The following ARID3A variants were observed in gnomAD, a reference collection of about 807,000 sequenced individuals.
ARID3A encodes the protein AT-rich interaction domain 3A.
A neutral mutation model predicts 52.7 loss-of-function variants in ARID3A; 11 were observed. That is an observed-to-expected ratio of 0.21 (90% CI 0.13 to 0.35). The LOEUF (loss-of-function observed/expected upper bound fraction) is 0.35, where lower values mean the gene tolerates loss of function less well. Among genes scored for constraint, ARID3A ranks in the 10% least tolerant of loss-of-function variants. The pLI is 1.00. For missense variants in ARID3A, 721 were observed against 838.5 expected (o/e 0.86, Z 1.73); for synonymous variants, 404 against 359.4 (o/e 1.12, Z -1.40).
intron 3 of ARID3A, among the ~76,000 whole-genome samples, chr19:943,445 G>C (rs1407758148): frequency 6.6e-6 from 1 of 151,954 alleles, no homozygotes; most frequent in Non-Finnish European, 1.5e-5. Flanking sequence ...GCGGGTGCCT[G>C]TAATCCCAGC....
intron 3 of ARID3A, among the ~76,000 whole-genome samples, chr19:955,879 CT>C (rs1397294042): frequency 2.0e-5 from 3 of 152,194 alleles, no homozygotes; most frequent in African/African-American, 7.2e-5. Flanking sequence ...CAAACGAAAC[CT>C]GTTCTCCCTC....
intron 8 of ARID3A, 200 bp downstream of exon 8, chr19:968,703 AG>A (rs1302656535): frequency 1.9e-6 from 1 of 539,992 alleles, no homozygotes; most frequent in Non-Finnish European, 3.3e-6. Context: ...CTCAGCCCAG[AG>A]GGGGTCGTCC....
intron 3 of ARID3A, among the ~76,000 whole-genome samples, chr19:937,756 G>C (rs2037466740): frequency 6.9e-6 from 1 of 145,084 alleles, no homozygotes; most frequent in African/African-American, 2.6e-5. Flanking sequence ...ACCCAGGCTG[G>C]AGTGCAATGG....
chr19:946,351 T>C (rs1256527861), intron 3 of ARID3A, among the ~76,000 whole-genome samples: 3 of 151,572 alleles, frequency 2.0e-5, no homozygotes, highest in African/African-American at 4.9e-5. Context: ...AAGCTCCGCC[T>C]CCCGGGTTCA....
intron 3 of ARID3A, among the ~76,000 whole-genome samples, chr19:954,346 C>A (rs886173258): frequency 1.2e-4 from 19 of 152,208 alleles, no homozygotes; most frequent in African/African-American, 4.3e-4. Flanking sequence ...ATTAGGGGTC[C>A]ACACCTTCCA....
intron 4 of ARID3A, among the ~76,000 whole-genome samples, chr19:962,717 A>G (rs2038069740): frequency 6.6e-6 from 1 of 151,670 alleles, no homozygotes; most frequent in Admixed American, 6.6e-5. Flanking sequence ...GTTTCTCCCT[A>G]TTGGCCAGGC....
In ARID3A at chr19:971,940, G is replaced by A. The variant is rs748380647; in HGVS notation, c.1657G>A (p.Gly553Ser). 46 of 1,599,862 alleles carry A rather than the reference G, an allele frequency of 2.9e-5. No individual in the cohort carries two copies. The highest frequency in any genetic ancestry group is 1.6e-4 in the South Asian group (14 of 90,234). ...CTCTGCTCCCAACAAAGGAGGCGGC[G>A]GCGGCGGCGGCAGCAGCAGCAACGC... ...PTSAPNKGGG[G>S]GGGSSSNAGG... The change falls in exon 9 of 9, where the codon GGC (glycine) becomes AGC (serine). Residue 553 changes from glycine (G) to serine (S), a missense_variant. Around this residue, in one of 5 missense-constraint regions of ARID3A, gnomAD observed 297 missense variants for 343.2 expected, o/e 0.87. Coordinates refer to ENST00000263620, the MANE Select transcript of ARID3A (RefSeq NM_005224.3).
intron 3 of ARID3A, among the ~76,000 whole-genome samples, chr19:948,063 G>A (rs550929112): frequency 7.9e-5 from 12 of 152,242 alleles, no homozygotes; most frequent in South Asian, 4.1e-4. Context: ...CTAAGTAAGC[G>A]CCTGCTGGGT....
At chr19:962,982 C>T (rs1469494161) in intron 4 of ARID3A, among the ~76,000 whole-genome samples, 1 of 152,184 alleles carries the variant, frequency 6.6e-6, no homozygotes, top group Non-Finnish European at 1.5e-5. Flanking sequence ...GGGTCTGAGG[C>T]CCGTCTTCCT....
intron 3 of ARID3A, among the ~76,000 whole-genome samples, chr19:946,250 T>TTTTA (rs1434662801): frequency 6.6e-6 from 1 of 151,886 alleles, no homozygotes; most frequent in South Asian, 2.1e-4. Context: ...ACTTTTTCCT[T>TTTTA]TTTATTTATT....
Position 964,554 on chromosome 19 carries a change from A to G in ARID3A, c.950+123A>G. 7.5e-7 allele frequency: 1 copy of G among 1,337,508 alleles called. No individual in the cohort carries two copies. Among genetic ancestry groups the G allele is most frequent in the South Asian group, 1.4e-5 (1 of 69,724 alleles). 82.9% of individuals were successfully genotyped at this position (1,337,508 alleles called of 1,614,324 possible). A position where few individuals can be genotyped will look rare whatever the true frequency, so the allele number is the denominator to read the frequency against. On this transcript the variant is annotated intron_variant, in intron 5 of 8. Coordinates refer to ENST00000263620, the MANE Select transcript of ARID3A (RefSeq NM_005224.3). The surrounding 1 kb of genome is among the most constrained non-coding windows in gnomAD (Gnocchi z 5.7). Reference sequence around the variant, plus strand: ...GAGGAGGGGGCAGTGGGCAGCCGCAAAGGGCACAGGGCCACACCGTGCGTC... The same window carrying G: ...GAGGAGGGGGCAGTGGGCAGCCGCAGAGGGCACAGGGCCACACCGTGCGTC...
chr19:933,001 C>G (rs984949974), intron 3 of ARID3A, among the ~76,000 whole-genome samples: 1 of 152,076 alleles, frequency 6.6e-6, no homozygotes, highest in East Asian at 1.9e-4. Context: ...GCCCCCATAT[C>G]GGAGGTGATG....
chr19:932,288 C>A, intron 2 of ARID3A, 130 bp from the exon 3 acceptor site: 6 of 1,509,938 alleles, frequency 4.0e-6, no homozygotes, highest in South Asian at 1.3e-5. Context: ...TCTCTGCAGT[C>A]TGAGCTGGCG....
At chr19:940,941 C>T (rs2037536943) in intron 3 of ARID3A, among the ~76,000 whole-genome samples, 1 of 152,126 alleles carries the variant, frequency 6.6e-6, no homozygotes, top group African/African-American at 2.4e-5. Context: ...CCCGCCAGCC[C>T]CTGGCACTGT....
rs2038317534 is a variant in ARID3A, at chr19:973,134, G to GTTTTT, written c.*1073_*1074insTTTTT. ...TTTTTTTTTTTTTTTTTGAGACGGA[G>GTTTTT]TTTTGCTCTTGTCGCCCAGGCTGGA... On this transcript the variant is annotated 3_prime_UTR_variant, in exon 9 of 9. Transcript: ENST00000263620. 4.1e-4 allele frequency: 4 copies of GTTTTT among 9,864 alleles called. No homozygotes were observed. The highest frequency in any genetic ancestry group is 6.4e-4 in the Non-Finnish European group (2 of 3,104). The allele number at this position is 9,864 out of a possible 1,614,324, so 0.6% of individuals were successfully genotyped here. A position where few individuals can be genotyped will look rare whatever the true frequency, so the allele number is the denominator to read the frequency against.
chr19:929,439 C>A lies in ARID3A; in HGVS notation c.-90C>A. On this transcript the variant is annotated 5_prime_UTR_variant, in exon 2 of 9. Transcript: ENST00000263620. This position sits in a 1 kb window ranked among gnomAD's most constrained non-coding sequence, Gnocchi z 6.2. ...CCCCACGCTGCAGTGCGGCCGGGCC[C>A]CCTCCCCGCAGGGGCCGCCCCCGCC... is the stretch of plus-strand genomic sequence containing the variant. 8.0e-7 allele frequency: 1 copy of A among 1,250,608 alleles called. No homozygotes were observed. Among genetic ancestry groups the A allele is most frequent in the Non-Finnish European group, 1.0e-6 (1 of 984,868 alleles). The allele number at this position is 1,250,608 out of a possible 1,614,324, so 77.5% of individuals were successfully genotyped here.
intron 8 of ARID3A, 58 bp from the exon 9 acceptor site, chr19:971,820 G>T: frequency 6.5e-7 from 1 of 1,533,292 alleles, no homozygotes; most frequent in Non-Finnish European, 8.7e-7. Context: ...TCTCCCTTGT[G>T]GCCCGCCTCG....
intron 3 of ARID3A, among the ~76,000 whole-genome samples, chr19:952,567 G>A (rs556416248): frequency 1.3e-4 from 20 of 151,828 alleles, no homozygotes; most frequent in East Asian, 3.9e-4. Flanking sequence ...CTCAGGGCTC[G>A]GCAGTCCCCA....
At chr19:958,493 C>T (rs1380148174) in intron 3 of ARID3A, among the ~76,000 whole-genome samples, 1 of 151,852 alleles carries the variant, frequency 6.6e-6, no homozygotes, top group Non-Finnish European at 1.5e-5. Context: ...ACTGGATTCC[C>T]AGTACCTGTG....
Sources: gnomAD v4.1 joint callset for allele counts (sites outside exome capture counted in the v4.1 genomes callset) on GRCh38, gnomAD v4.1.1 for gene constraint, gnomAD v4.1.1 regional missense constraint, Gnocchi (gnomAD v3.1) non-coding constraint, MANE v1.5 for transcripts, NCBI Gene and HGNC (gene_info 2026-07-23, HGNC 2026-07-21) for gene names.